Variants in MERTK observed in about 807,000 individuals in gnomAD.
The protein encoded by MERTK is tyrosine-protein kinase Mer.
In MERTK, 69 loss-of-function variants were observed where a neutral mutation model predicts 99.3. That is an observed-to-expected ratio of 0.70 (90% CI 0.57 to 0.85). The LOEUF is 0.85. Ranked by LOEUF, MERTK falls within the 40% of genes least tolerant of loss-of-function variation. MERTK has a pLI of 0.00. For missense variants in MERTK, 1,125 were observed against 1,249.4 expected (o/e 0.90, Z 1.50); for synonymous variants, 426 against 467.6 (o/e 0.91, Z 1.15).
At position 111,931,974 on chromosome 2, in the gene MERTK, T is replaced by G. The variant is rs17042106; in HGVS notation, c.482+2434T>G. ...AAATTGTAGAGTTTTAAAATTTTGA[T>G]TAGTCAGTTTCTTGTTTTGGACCCA... On this transcript the variant is annotated intron_variant, in intron 2 of 18. Transcript: ENST00000295408. Among the ~76,000 whole-genome samples, 1,335 of 152,284 alleles carry G rather than the reference T, an allele frequency of 8.8e-3. 20 individuals carry two copies. Among genetic ancestry groups the G allele is most frequent in the African/African-American group, 0.031 (1,281 of 41,542 alleles).
At chr2:111,943,956 G>A (rs572415945) in intron 2 of MERTK, among the ~76,000 whole-genome samples, 9 of 152,142 alleles carry the variant, frequency 5.9e-5, no homozygotes, top group African/African-American at 2.2e-4. Flanking sequence ...TGCCTTGAGG[G>A]GGCAGTACCC....
At chr2:111,959,163 A>G (rs1685200286) in intron 4 of MERTK, among the ~76,000 whole-genome samples, 2 of 152,170 alleles carry the variant, frequency 1.3e-5, no homozygotes, top group South Asian at 4.1e-4. Context: ...AGTGATGCCA[A>G]GGCATGAAAA....
chr2:112,029,157 G>T lies in MERTK; in HGVS notation c.*293G>T. The T allele has an allele frequency of 9.3e-7, 1 of 1,070,642 alleles. No individual in the cohort carries two copies. The allele number at this position is 1,070,642 out of a possible 1,614,324, so 66.3% of individuals were successfully genotyped here. ...TAAAATTAAGCTTCAGCTGCTCCTT[G>T]ATATTAACATTTGTACAGAGTTGAA... On this transcript the variant is annotated 3_prime_UTR_variant, in exon 19 of 19. Transcript: ENST00000295408.
intron 1 of MERTK, among the ~76,000 whole-genome samples, chr2:111,927,380 A>G (rs573061736): frequency 2.6e-5 from 4 of 152,308 alleles, no homozygotes; most frequent in Non-Finnish European, 4.4e-5. Flanking sequence ...AAAAATTCCC[A>G]GATCCCCTCC....
chr2:111,899,759 G>C (rs750690740), intron 1 of MERTK, among the ~76,000 whole-genome samples: 19 of 152,076 alleles, frequency 1.2e-4, no homozygotes, highest in Non-Finnish European at 2.8e-4. Context: ...CTCGTGATCT[G>C]CTCTCCTTGG....
At chr2:111,936,483 A>T (rs921516627) in intron 2 of MERTK, among the ~76,000 whole-genome samples, 1 of 152,180 alleles carries the variant, frequency 6.6e-6, no homozygotes, top group African/African-American at 2.4e-5. Context: ...GGAAGAAATA[A>T]CTGATGTTCT....
intron 3 of MERTK, 27 bp downstream of exon 3, chr2:111,945,087 G>T (rs1253686904): frequency 1.3e-6 from 2 of 1,554,996 alleles, no homozygotes; most frequent in Admixed American, 3.3e-5. Context: ...GAGTCCCATT[G>T]CCAGAGAACT....
intron 1 of MERTK, among the ~76,000 whole-genome samples, chr2:111,921,178 G>A (rs182246121): frequency 1.5e-4 from 23 of 152,182 alleles, no homozygotes; most frequent in Admixed American, 2.6e-4. Flanking sequence ...TAGGTTCTGC[G>A]TTTTCTCCTA....
At position 112,028,374 on chromosome 2, in the gene MERTK, G is replaced by A; in HGVS notation, c.2510G>A (p.Trp837Ter). The stretch of plus-strand genomic sequence containing the variant: ...AGGTATGAAATAATGTACTCTTGCT[G>A]GAGAACCGATCCCTTAGACCGCCCC... ...DELYEIMYSC[W>*]RTDPLDRPTF... The change falls in exon 19 of 19, where the codon TGG becomes TAG. Residue 837 changes from tryptophan (W) to a stop codon, truncating the protein, a stop_gained. Transcript: ENST00000295408. LOFTEE classifies it low-confidence loss of function (END_TRUNC). 1 of 1,614,146 alleles carries A rather than the reference G, an allele frequency of 6.2e-7. No homozygotes were observed. The highest frequency in any genetic ancestry group is 8.5e-7 in the Non-Finnish European group (1 of 1,180,016).
At chr2:111,926,989 A>G (rs2104684055) in intron 1 of MERTK, among the ~76,000 whole-genome samples, 1 of 152,002 alleles carries the variant, frequency 6.6e-6, no homozygotes, top group South Asian at 2.1e-4. Flanking sequence ...ATAAGTGAAC[A>G]CTCCCATGAT....
chr2:111,914,405 G>C (rs1399762292), intron 1 of MERTK, among the ~76,000 whole-genome samples: 1 of 152,134 alleles, frequency 6.6e-6, no homozygotes, highest in Non-Finnish European at 1.5e-5. Flanking sequence ...AGCCTCCCAA[G>C]TAGCTGGGAC....
At chr2:111,973,571 A>G (rs545910846) in intron 6 of MERTK, among the ~76,000 whole-genome samples, 5 of 152,302 alleles carry the variant, frequency 3.3e-5, no homozygotes, top group African/African-American at 1.2e-4. Flanking sequence ...ACAGTACTGT[A>G]TATCCAGAGC....
At position 112,009,941 on chromosome 2, in the gene MERTK, A is replaced by G; in HGVS notation, c.1961-7A>G. 6.3e-7 allele frequency: 1 copy of G among 1,592,386 alleles called. No homozygotes were observed. The highest frequency in any genetic ancestry group is 8.6e-7 in the Non-Finnish European group (1 of 1,160,524). On this transcript the variant is annotated splice_region_variant and splice_polypyrimidine_tract_variant and intron_variant, in intron 14 of 18. Coordinates refer to ENST00000295408, the MANE Select transcript of MERTK (RefSeq NM_006343.3). ...CTTTGTAATTGATGCTGTGTTTGTA[A>G]TTTCAGGTGTGTGTATAGAAATGAG...
chr2:112,007,230 C>T (rs1677001001), intron 13 of MERTK, among the ~76,000 whole-genome samples: 1 of 152,226 alleles, frequency 6.6e-6, no homozygotes, highest in East Asian at 1.9e-4. Flanking sequence ...TCTCAGCTCA[C>T]TGCAAACTCC....
chr2:111,989,690 T>G (rs1020759370), intron 8 of MERTK, among the ~76,000 whole-genome samples: 1 of 152,178 alleles, frequency 6.6e-6, no homozygotes, highest in Non-Finnish European at 1.5e-5. Flanking sequence ...TGGGGATATT[T>G]AAGTCCTTTG....
At chr2:111,909,713 G>A (rs1684205003) in intron 1 of MERTK, among the ~76,000 whole-genome samples, 1 of 152,068 alleles carries the variant, frequency 6.6e-6, no homozygotes, top group Non-Finnish European at 1.5e-5. Flanking sequence ...ACGTAATTTT[G>A]AGTTGATGTG....
In MERTK at chr2:111,908,624, C is replaced by T. The variant is rs965756458; in HGVS notation, c.61+9828C>T. On this transcript the variant is annotated intron_variant, in intron 1 of 18. Coordinates refer to ENST00000295408, the MANE Select transcript of MERTK (RefSeq NM_006343.3). Reference sequence around the variant, plus strand: ...GTCAGTTACATTTGATTGCATATAACAGAAAACCTTACTTCAGTGGTGTAA... The same window carrying T: ...GTCAGTTACATTTGATTGCATATAATAGAAAACCTTACTTCAGTGGTGTAA... Among the ~76,000 whole-genome samples, 4 of 152,200 alleles carry T rather than the reference C, an allele frequency of 2.6e-5. No individual in the cohort carries two copies. The East Asian group carries it at 7.7e-4, about 29-fold the overall frequency.
chr2:111,989,265 TTTG>T (rs1381285293), intron 8 of MERTK, among the ~76,000 whole-genome samples: 3 of 152,308 alleles, frequency 2.0e-5, no homozygotes, highest in East Asian at 1.9e-4. Context: ...ACGAGTCACC[TTTG>T]TTGTTGTCAT....
At chr2:111,946,007 A>G (rs748639632) in intron 3 of MERTK, among the ~76,000 whole-genome samples, 1 of 152,220 alleles carries the variant, frequency 6.6e-6, no homozygotes. Flanking sequence ...AAAGTCTGCT[A>G]TGCTACCCAT....
Sources: gnomAD v4.1 joint callset for allele counts (sites outside exome capture counted in the v4.1 genomes callset) on GRCh38, gnomAD v4.1.1 for gene constraint, MANE v1.5 for transcripts, NCBI Gene and HGNC (gene_info 2026-07-23, HGNC 2026-07-21) for gene names.